The following ZDHHC14 variants were observed in gnomAD, a reference collection of about 807,000 sequenced individuals.
The protein encoded by ZDHHC14 is palmitoyltransferase ZDHHC14.
In ZDHHC14, 16 loss-of-function variants were observed where a neutral mutation model predicts 47.7. The ratio of observed to expected loss-of-function variants is 0.34; its 90% CI spans 0.23 to 0.51. The LOEUF (loss-of-function observed/expected upper bound fraction) is 0.51, where lower values mean the gene tolerates loss of function less well. Among genes scored for constraint, ZDHHC14 ranks in the 20% least tolerant of loss-of-function variants. The pLI is 0.97. For synonymous variants in ZDHHC14, 293 were observed against 278.9 expected (o/e 1.05, Z -0.50); for missense variants, 515 against 662.5 (o/e 0.78, Z 2.44).
intron 2 of ZDHHC14, among the ~76,000 whole-genome samples, chr6:157,584,528 C>T (rs1252309848): frequency 2.0e-5 from 3 of 152,174 alleles, no homozygotes; most frequent in Non-Finnish European, 2.9e-5. Flanking sequence ...AGGAATAAAT[C>T]TGATGGGAGA....
At chr6:157,548,773 A>C (rs910638799) in intron 2 of ZDHHC14, among the ~76,000 whole-genome samples, 2 of 152,182 alleles carry the variant, frequency 1.3e-5, no homozygotes, top group African/African-American at 4.8e-5. Flanking sequence ...CGTCACTGTG[A>C]TGCCGCCTCA....
chr6:157,487,984 C>T (rs565277587), intron 1 of ZDHHC14, among the ~76,000 whole-genome samples: 1 of 152,314 alleles, frequency 6.6e-6, no homozygotes, highest in African/African-American at 2.4e-5. Flanking sequence ...ATCATCCCCT[C>T]TGCTGCCTGA....
At chr6:157,623,286 T>A (rs1785265912) in intron 3 of ZDHHC14, among the ~76,000 whole-genome samples, 1 of 152,100 alleles carries the variant, frequency 6.6e-6, no homozygotes, top group Non-Finnish European at 1.5e-5. Context: ...CCCATGCTAT[T>A]CTCATGATAG....
In ZDHHC14 at chr6:157,673,928, G is replaced by A. The variant is rs569588468; in HGVS notation, c.*806G>A. The A allele has an allele frequency of 2.0e-5, 3 of 152,704 alleles. No homozygotes were observed. The highest frequency in any genetic ancestry group is 4.4e-5 in the Non-Finnish European group (3 of 68,028). The allele number at this position is 152,704 out of a possible 1,614,324, so 9.5% of individuals were successfully genotyped here. ...TCCCGTGGACAGCCAATAAAATGAC[G>A]TCCTCTGTTATTTTGGATCTGCGTA... On this transcript the variant is annotated 3_prime_UTR_variant, in exon 9 of 9. Transcript: ENST00000359775. The surrounding 1 kb of genome is among the most constrained non-coding windows in gnomAD (Gnocchi z 5.4).
intron 1 of ZDHHC14, among the ~76,000 whole-genome samples, chr6:157,510,854 G>T (rs1220169309): frequency 3.3e-5 from 5 of 152,196 alleles, no homozygotes; most frequent in African/African-American, 9.6e-5. Context: ...AATGGCCTCT[G>T]CCTTCCTCAG....
rs529178203 is a variant in ZDHHC14 at position 157,576,324 on chromosome 6, G to A, written c.407-16664G>A. Among the ~76,000 whole-genome samples, 5 of 152,296 alleles carry A rather than the reference G, an allele frequency of 3.3e-5. No homozygotes were observed. The East Asian group carries it at 5.8e-4, about 18-fold the overall frequency. On this transcript the variant is annotated intron_variant, in intron 2 of 8. Coordinates refer to ENST00000359775, the MANE Select transcript of ZDHHC14 (RefSeq NM_024630.3). ...ACATTTTAATTCTCCAGTGGAAACCGAAACAATGTATATAGACAGACCAGA... is the reference window on the plus strand; with the variant it reads ...ACATTTTAATTCTCCAGTGGAAACCAAAACAATGTATATAGACAGACCAGA...
rs1778951964 is a variant in ZDHHC14, at chr6:157,675,247, G to A, written c.*2125G>A. On this transcript the variant is annotated 3_prime_UTR_variant, in exon 9 of 9. Coordinates refer to ENST00000359775, the MANE Select transcript of ZDHHC14 (RefSeq NM_024630.3). Reference sequence around the variant, plus strand: ...TCATTCCCCTGGAAAGCAAGATCATGGTCTTCAGAGGCCTCCCGCTTCTAA... The same window carrying A: ...TCATTCCCCTGGAAAGCAAGATCATAGTCTTCAGAGGCCTCCCGCTTCTAA... 2 of 152,188 alleles carry A rather than the reference G, an allele frequency of 1.3e-5. No homozygotes were observed. Among genetic ancestry groups the A allele is most frequent in the African/African-American group, 4.8e-5 (2 of 41,418 alleles). The allele number at this position is 152,188 out of a possible 1,614,324, so 9.4% of individuals were successfully genotyped here.
intron 3 of ZDHHC14, among the ~76,000 whole-genome samples, chr6:157,622,761 C>A (rs991109611): frequency 6.6e-6 from 1 of 152,132 alleles, no homozygotes; most frequent in African/African-American, 2.4e-5. Context: ...TTGTGCTTGG[C>A]ATGCCTAGAA....
Position 157,593,113 on chromosome 6 carries a change from G to A in ZDHHC14, c.532G>A (p.Ala178Thr). 2 of 1,613,850 alleles carry A rather than the reference G, an allele frequency of 1.2e-6. No homozygotes were observed. Among genetic ancestry groups the A allele is most frequent in the Admixed American group, 1.7e-5 (1 of 59,992 alleles). The stretch of plus-strand genomic sequence containing the variant: ...CTGCAAGATTTTCCGGCCCCCTCGC[G>A]CCTCCCATTGCAGCCTTTGTGATAA... ...FTCKIFRPPRASHCSLCDNCV... is the reference protein window; with the variant it reads ...FTCKIFRPPRTSHCSLCDNCV... The change falls in exon 3 of 9, where the codon GCC becomes ACC. Residue 178 changes from alanine to threonine, a missense_variant. Ala to Thr is a moderately conservative substitution (Grantham distance 58). Around this residue, in one of 4 missense-constraint regions of ZDHHC14, gnomAD observed 229 missense variants for 351.5 expected, o/e 0.65. Transcript: ENST00000359775.
intron 2 of ZDHHC14, among the ~76,000 whole-genome samples, chr6:157,567,810 CAAA>C (rs11431689): frequency 7.3e-6 from 1 of 136,250 alleles, no homozygotes; most frequent in African/African-American, 2.7e-5. Context: ...GACCCCATCT[CAAA>C]AAAAAAAAAA....
chr6:157,418,477 T>C (rs775768378), intron 1 of ZDHHC14, among the ~76,000 whole-genome samples: 23 of 152,304 alleles, frequency 1.5e-4, no homozygotes, highest in Non-Finnish European at 2.4e-4. Context: ...ACAGGACATG[T>C]TTTTATTTGA....
chr6:157,657,339 C>T (rs1358001368), intron 8 of ZDHHC14, among the ~76,000 whole-genome samples: 2 of 152,172 alleles, frequency 1.3e-5, no homozygotes, highest in African/African-American at 4.8e-5. Flanking sequence ...TAAGCCACTG[C>T]ACACGGCCAT....
At position 157,628,500 on chromosome 6, in the gene ZDHHC14, C is replaced by T. The variant is rs181818030; in HGVS notation, c.703+14C>T. ...ACGTCATTCTTCGTAAGTATGCTGGCGAAATCAGATTACGTATGTAACCAT... is the reference window on the plus strand; with the variant it reads ...ACGTCATTCTTCGTAAGTATGCTGGTGAAATCAGATTACGTATGTAACCAT... On this transcript the variant is annotated intron_variant, in intron 4 of 8. Transcript: ENST00000359775. 1,086 of 1,607,442 alleles carry T rather than the reference C, an allele frequency of 6.8e-4. 7 individuals are homozygous for T. In the African/African-American group the frequency reaches 0.013, roughly 19 times the overall value.
intron 5 of ZDHHC14, among the ~76,000 whole-genome samples, chr6:157,644,834 A>C (rs981550089): frequency 1.3e-5 from 2 of 152,204 alleles, no homozygotes; most frequent in African/African-American, 4.8e-5. Context: ...CCCCTGAGAA[A>C]TATCTGTATC....
At chr6:157,489,357 C>T (rs1285590634) in intron 1 of ZDHHC14, among the ~76,000 whole-genome samples, 1 of 152,160 alleles carries the variant, frequency 6.6e-6, no homozygotes, top group East Asian at 1.9e-4. Flanking sequence ...CAGAGAAAAT[C>T]CCGACAAGAA....
chr6:157,412,651 A>G (rs1262390813), intron 1 of ZDHHC14, among the ~76,000 whole-genome samples: 1 of 152,188 alleles, frequency 6.6e-6, no homozygotes, highest in Non-Finnish European at 1.5e-5. Context: ...TACCTTCACA[A>G]TTCAGGTGGA....
At chr6:157,604,855 C>G (rs1050793948) in intron 3 of ZDHHC14, among the ~76,000 whole-genome samples, 2 of 152,304 alleles carry the variant, frequency 1.3e-5, no homozygotes, top group African/African-American at 4.8e-5. Context: ...TACACAGTGC[C>G]TTGCTAGGTG....
intron 1 of ZDHHC14, among the ~76,000 whole-genome samples, chr6:157,469,990 C>T (rs1242278848): frequency 2.6e-5 from 4 of 152,214 alleles, no homozygotes; most frequent in Admixed American, 6.5e-5. Context: ...TGTGTGGGTA[C>T]GTTACCTCTA....
intron 1 of ZDHHC14, among the ~76,000 whole-genome samples, chr6:157,420,862 C>G (rs1029843975): frequency 6.6e-6 from 1 of 152,136 alleles, no homozygotes; most frequent in Admixed American, 6.5e-5. Flanking sequence ...ACATTGCGCT[C>G]CTCTTCCTTG....
Sources: gnomAD v4.1 joint callset for allele counts (sites outside exome capture counted in the v4.1 genomes callset) on GRCh38, gnomAD v4.1.1 for gene constraint, gnomAD v4.1.1 regional missense constraint, Gnocchi (gnomAD v3.1) non-coding constraint, MANE v1.5 for transcripts, NCBI Gene and HGNC (gene_info 2026-07-23, HGNC 2026-07-21) for gene names.